The following SH2D4A variants were observed in gnomAD, a reference collection of about 807,000 sequenced individuals.
The protein encoded by SH2D4A is SH2 domain-containing protein 4A.
Under a neutral mutation model 64.7 loss-of-function variants are expected in SH2D4A, and 70 were observed. That is an observed-to-expected ratio of 1.08 (90% CI 0.89 to 1.32). SH2D4A has a LOEUF of 1.32. SH2D4A is among the 40% of genes most tolerant of loss of function. SH2D4A has a pLI of 0.00. For synonymous variants in SH2D4A, 268 were observed against 200.7 expected (o/e 1.34, Z -2.83); for missense variants, 706 against 540.1 (o/e 1.31, Z -3.04).
chr8:19,379,483 G>A (rs946045420), intron 8 of SH2D4A, among the ~76,000 whole-genome samples: 2 of 152,360 alleles, frequency 1.3e-5, no homozygotes, highest in East Asian at 1.9e-4. Flanking sequence ...GAACACAGGT[G>A]TAGAAATAGC....
chr8:19,331,419 G>T (rs2052363612), intron 2 of SH2D4A, among the ~76,000 whole-genome samples: 1 of 152,172 alleles, frequency 6.6e-6, no homozygotes, highest in Admixed American at 6.5e-5. Context: ...TTGGCCCACA[G>T]TTGCCCTGGG....
rs778146518 is a variant in SH2D4A at position 19,333,064 on chromosome 8, TA to T, written c.292del (p.Ile98LeufsTer7). 8.7e-6 allele frequency: 14 copies of T among 1,613,880 alleles called. No individual in the cohort carries two copies. In the East Asian group the frequency reaches 2.7e-4, roughly 31 times the overall value. ...KPYDVLCNEIIAERARLKAEQ... is the reference protein window; with the variant it reads ...KPYDVLCNEIXAERARLKAEQ... ...CCTATGATGTGCTCTGTAATGAAAT[TA>T]TTGCTGAGAGGGCCCGGCTGAAAGC... On this transcript the variant is annotated frameshift_variant, in exon 3 of 10. Coordinates refer to ENST00000265807, the MANE Select transcript of SH2D4A (RefSeq NM_022071.4). LOFTEE classifies it high-confidence loss of function.
chr8:19,363,796 A>G (rs1321885019), intron 6 of SH2D4A: 1 of 446,688 alleles, frequency 2.2e-6, no homozygotes, highest in Admixed American at 3.7e-5. Flanking sequence ...ATTCTTGCAC[A>G]CTTTCTCTAC....
chr8:19,352,995 C>A (rs1347473030), intron 4 of SH2D4A, among the ~76,000 whole-genome samples: 1 of 152,034 alleles, frequency 6.6e-6, no homozygotes, highest in Non-Finnish European at 1.5e-5. Context: ...GGGAACAGAG[C>A]GAGACTCTGT....
At chr8:19,373,810 G>A (rs536769943) in intron 8 of SH2D4A, 150 bp downstream of exon 8, 28 of 1,055,898 alleles carry the variant, frequency 2.7e-5, no homozygotes, top group South Asian at 5.8e-5. Context: ...TTTCAAAGAC[G>A]CCTCAGTAAG....
At chr8:19,348,471 T>C (rs2052646456) in intron 4 of SH2D4A, among the ~76,000 whole-genome samples, 1 of 152,176 alleles carries the variant, frequency 6.6e-6, no homozygotes, top group Non-Finnish European at 1.5e-5. Context: ...TTTTAAGATA[T>C]AATATGAAAC....
chr8:19,365,880 C>G (rs2052985595), intron 7 of SH2D4A, among the ~76,000 whole-genome samples: 1 of 152,050 alleles, frequency 6.6e-6, no homozygotes, highest in African/African-American at 2.4e-5. Flanking sequence ...AATTTGGAAG[C>G]TAGTAAGAGA....
chr8:19,318,777 G>T (rs1056998056), intron 1 of SH2D4A, among the ~76,000 whole-genome samples: 1 of 152,194 alleles, frequency 6.6e-6, no homozygotes, highest in Non-Finnish European at 1.5e-5. Context: ...GAAGAGGAAA[G>T]TACATAATTT....
intron 1 of SH2D4A, among the ~76,000 whole-genome samples, chr8:19,318,979 T>C (rs1260696734): frequency 6.6e-6 from 1 of 152,146 alleles, no homozygotes; most frequent in African/African-American, 2.4e-5. Flanking sequence ...TTTCTTCCTG[T>C]GACTTTTTTT....
At chr8:19,388,629 C>T (rs1455515955) in intron 8 of SH2D4A, among the ~76,000 whole-genome samples, 2 of 152,200 alleles carry the variant, frequency 1.3e-5, no homozygotes, top group African/African-American at 4.8e-5. Flanking sequence ...TTTCCAGACA[C>T]AGGAAGTTGT....
chr8:19,373,656 C>G lies in SH2D4A; in HGVS notation c.1044C>G (p.Phe348Leu), dbSNP rs572012253. The G allele has an allele frequency of 6.2e-7, 1 of 1,612,960 alleles. No individual in the cohort carries two copies. The highest frequency in any genetic ancestry group is 1.3e-5 in the African/African-American group (1 of 74,908). ...QKTSDTIAPW[F>L]HGILTLKKAN... ...CCTCAGACACCATAGCCCCCTGGTTCCATGGTGAGTGCAGAGATTTCCTCA... is the reference window on the plus strand; with the variant it reads ...CCTCAGACACCATAGCCCCCTGGTTGCATGGTGAGTGCAGAGATTTCCTCA... The change falls in exon 8 of 10, where the codon TTC (phenylalanine) becomes TTG (leucine). Residue 348 changes from phenylalanine to leucine, a missense_variant. Coordinates refer to ENST00000265807, the MANE Select transcript of SH2D4A (RefSeq NM_022071.4).
chr8:19,373,692 G>A (rs200675665), intron 8 of SH2D4A, 32 bp downstream of exon 8: 54 of 1,605,582 alleles, frequency 3.4e-5, no homozygotes, highest in Admixed American at 6.7e-5. Flanking sequence ...ATGGTGTTTC[G>A]TCTTAGGGCG....
At chr8:19,367,889 A>G (rs1051635419) in intron 7 of SH2D4A, among the ~76,000 whole-genome samples, 6 of 152,144 alleles carry the variant, frequency 3.9e-5, no homozygotes, top group African/African-American at 1.4e-4. Context: ...AAGCCTGAGC[A>G]ACATAGGGAG....
chr8:19,338,733 C>T (rs975335209), intron 4 of SH2D4A, among the ~76,000 whole-genome samples: 1 of 152,184 alleles, frequency 6.6e-6, no homozygotes, highest in Non-Finnish European at 1.5e-5. Flanking sequence ...AAGGTTGGGT[C>T]TCTGACCTAC....
intron 4 of SH2D4A, among the ~76,000 whole-genome samples, chr8:19,347,695 T>C (rs762445017): frequency 6.6e-6 from 1 of 152,118 alleles, no homozygotes; most frequent in South Asian, 2.1e-4. Flanking sequence ...GCCTTCAGAG[T>C]GGGCCACACT....
At chr8:19,352,015 T>G (rs1236904538) in intron 4 of SH2D4A, among the ~76,000 whole-genome samples, 1 of 152,158 alleles carries the variant, frequency 6.6e-6, no homozygotes, top group Non-Finnish European at 1.5e-5. Context: ...ACTCCTGATC[T>G]CAGGTGATCC....
chr8:19,342,966 C>T (rs1006962999), intron 4 of SH2D4A, among the ~76,000 whole-genome samples: 17 of 152,058 alleles, frequency 1.1e-4, no homozygotes, highest in African/African-American at 3.9e-4. Flanking sequence ...TTGCAGAGCT[C>T]ACAGCTCTAG....
intron 2 of SH2D4A, among the ~76,000 whole-genome samples, chr8:19,330,855 A>G (rs2052356118): frequency 6.6e-6 from 1 of 152,196 alleles, no homozygotes. Context: ...GAGAGAGTGT[A>G]ATAAAGGGAG....
intron 4 of SH2D4A, among the ~76,000 whole-genome samples, chr8:19,348,827 G>A (rs559279522): frequency 2.6e-5 from 4 of 152,142 alleles, no homozygotes; most frequent in South Asian, 4.1e-4. Flanking sequence ...TGGTGAGTAG[G>A]CGGGGTTGAG....
Sources: allele counts gnomAD v4.1 joint callset (sites outside exome capture counted in the v4.1 genomes callset), GRCh38; gene constraint gnomAD v4.1.1; transcripts MANE v1.5; gene names NCBI Gene and HGNC (gene_info 2026-07-23, HGNC 2026-07-21).